Variants in VTI1A observed in about 807,000 individuals in gnomAD.
VTI1A encodes vesicle transport through interaction with t-SNAREs 1A.
In VTI1A, 22 loss-of-function variants were observed where a neutral mutation model predicts 34.9. The observed-to-expected ratio is 0.63, with a 90% CI of 0.45 to 0.90. The LOEUF is 0.90. Among genes scored for constraint, VTI1A ranks in the 40% least tolerant of loss-of-function variants. VTI1A has a pLI of 0.00. For missense variants in VTI1A, 268 were observed against 275.6 expected (o/e 0.97, Z 0.20); for synonymous variants, 87 against 97.3 (o/e 0.89, Z 0.62).
At chr10:112,535,653 C>A (rs1850592185) in intron 4 of VTI1A, among the ~76,000 whole-genome samples, 2 of 152,288 alleles carry the variant, frequency 1.3e-5, no homozygotes, top group South Asian at 4.1e-4. Flanking sequence ...GCTCCTCACA[C>A]AAGTTGAGCT....
intron 3 of VTI1A, among the ~76,000 whole-genome samples, chr10:112,509,205 G>T (rs1429920557): frequency 6.6e-6 from 1 of 152,078 alleles, no homozygotes; most frequent in Non-Finnish European, 1.5e-5. Context: ...CACTATAATT[G>T]CTGTTTTATT....
intron 3 of VTI1A, among the ~76,000 whole-genome samples, chr10:112,465,817 AC>A (rs1847877886): frequency 6.6e-6 from 1 of 152,196 alleles, no homozygotes; most frequent in African/African-American, 2.4e-5. Flanking sequence ...TATATTTAAC[AC>A]CACTGAACCA....
chr10:112,825,477 G>C, the VTI1A span: 1 of 152,300 alleles, frequency 6.6e-6, no homozygotes, highest in East Asian at 1.9e-4. Context: ...AGTACCTCGT[G>C]TGTCCTGGTA....
the VTI1A span, among the ~76,000 whole-genome samples, chr10:112,845,052 T>C: frequency 6.6e-6 from 1 of 152,198 alleles, no homozygotes; most frequent in South Asian, 2.1e-4. Context: ...GTGTCAGCCG[T>C]AAAATATGTC....
chr10:112,491,824 A>G (rs953428121), intron 3 of VTI1A, among the ~76,000 whole-genome samples: 2 of 152,196 alleles, frequency 1.3e-5, no homozygotes, highest in Admixed American at 6.5e-5. Flanking sequence ...AGGTGCTACA[A>G]TGCAACTATG....
intron 7 of VTI1A, among the ~76,000 whole-genome samples, chr10:112,734,208 C>A (rs78758687): frequency 0.034 from 5,223 of 152,204 alleles, 126 homozygotes; most frequent in Non-Finnish European, 0.059. Context: ...TCCTTACCAG[C>A]AGGCCAAGGC....
At position 112,602,486 on chromosome 10, in the gene VTI1A, T is replaced by G. The variant is rs563438404; in HGVS notation, c.427+64156T>G. Among the ~76,000 whole-genome samples, 12 of 152,364 alleles carry G rather than the reference T, an allele frequency of 7.9e-5. No homozygotes were observed. The South Asian group carries it at 2.5e-3, about 32-fold the overall frequency. On this transcript the variant is annotated intron_variant, in intron 5 of 7. Coordinates refer to ENST00000393077, the MANE Select transcript of VTI1A (RefSeq NM_145206.4). ...CAAAGCTTTCTTTCAGACTGATCCT[T>G]AAATGTTTTGAAATGTTTATCTAAA...
intron 7 of VTI1A, among the ~76,000 whole-genome samples, chr10:112,697,386 T>C (rs1339282816): frequency 7.1e-6 from 1 of 141,356 alleles, no homozygotes; most frequent in East Asian, 2.2e-4. Flanking sequence ...TTTCTTTTCT[T>C]TTCTTTTCTT....
At chr10:112,485,708 C>CAAAT (rs985784409) in intron 3 of VTI1A, among the ~76,000 whole-genome samples, 1 of 152,198 alleles carries the variant, frequency 6.6e-6, no homozygotes, top group African/African-American at 2.4e-5. Flanking sequence ...GTAACAAATG[C>CAAAT]AAATGTCAAC....
chr10:112,591,049 C>T (rs569214460), intron 5 of VTI1A, among the ~76,000 whole-genome samples: 9 of 151,868 alleles, frequency 5.9e-5, no homozygotes, highest in South Asian at 2.1e-4. Flanking sequence ...TGCAGTGAGC[C>T]GAGATTGCAT....
chr10:112,804,191 C>T (rs572078899), intron 7 of VTI1A, among the ~76,000 whole-genome samples: 7 of 152,316 alleles, frequency 4.6e-5, no homozygotes, highest in African/African-American at 1.7e-4. Flanking sequence ...GATGCCCTCC[C>T]CTCCCTTTTG....
chr10:112,846,010 T>G, the VTI1A span, among the ~76,000 whole-genome samples: 1 of 152,038 alleles, frequency 6.6e-6, no homozygotes, highest in Non-Finnish European at 1.5e-5. Flanking sequence ...AGAGCGAGGC[T>G]CTGTCTGAAA....
chr10:112,674,368 A>G (rs1264066179), intron 7 of VTI1A, among the ~76,000 whole-genome samples: 1 of 152,200 alleles, frequency 6.6e-6, no homozygotes, highest in Non-Finnish European at 1.5e-5. Flanking sequence ...TACAAAGAGA[A>G]TTTTTAAAAA....
chr10:112,752,906 T>C (rs1851150578), intron 7 of VTI1A, among the ~76,000 whole-genome samples: 1 of 152,206 alleles, frequency 6.6e-6, no homozygotes, highest in South Asian at 2.1e-4. Context: ...AATGCCCTTT[T>C]TTTTTGTATG....
At chr10:112,668,038 G>A (rs1847706748) in intron 5 of VTI1A, among the ~76,000 whole-genome samples, 180 bp from the exon 6 acceptor site, 1 of 152,038 alleles carries the variant, frequency 6.6e-6, no homozygotes, top group East Asian at 1.9e-4. Context: ...TTATGCCTAA[G>A]ATAAATAGAT....
At chr10:112,792,424 C>T (rs552713536) in intron 7 of VTI1A, among the ~76,000 whole-genome samples, 2 of 152,236 alleles carry the variant, frequency 1.3e-5, no homozygotes, top group South Asian at 2.1e-4. Context: ...GTCACACAGC[C>T]CAGCAGCCCA....
At chr10:112,780,112 T>TA (rs773277515) in intron 7 of VTI1A, among the ~76,000 whole-genome samples, 9,361 of 111,404 alleles carry the variant, frequency 0.084, 443 homozygotes, top group African/African-American at 0.12. Context: ...CCTTGTCTCT[T>TA]AAAAAAAAAA....
intron 1 of VTI1A, among the ~76,000 whole-genome samples, chr10:112,458,841 T>A (rs1460685583): frequency 6.6e-6 from 1 of 151,988 alleles, no homozygotes; most frequent in Non-Finnish European, 1.5e-5. Context: ...TAATTTTTTG[T>A]ATTTTTAGTA....
chr10:112,666,099 C>G (rs1240828713), intron 5 of VTI1A, among the ~76,000 whole-genome samples: 1 of 152,004 alleles, frequency 6.6e-6, no homozygotes, highest in Non-Finnish European at 1.5e-5. Context: ...TATTGTTGTG[C>G]AAGAAAAGAA....
Sources: allele counts gnomAD v4.1 joint callset (sites outside exome capture counted in the v4.1 genomes callset), GRCh38; gene constraint gnomAD v4.1.1; transcripts MANE v1.5; gene names NCBI Gene and HGNC (gene_info 2026-07-23, HGNC 2026-07-21).